Variants in MKLN1 observed in about 807,000 individuals in gnomAD.
MKLN1 encodes the protein muskelin 1.
A neutral mutation model predicts 99.0 loss-of-function variants in MKLN1; 18 were observed. That is an observed-to-expected ratio of 0.18 (90% confidence interval 0.13 to 0.27). MKLN1 has a LOEUF of 0.27. Ranked by LOEUF, MKLN1 falls within the 10% of genes least tolerant of loss-of-function variation. The probability of loss-of-function intolerance (pLI) is 1.00; values close to 1 mark genes in which losing one functional copy is unlikely to be tolerated. For missense variants in MKLN1, 621 were observed against 875.9 expected (o/e 0.71, Z 3.67); for synonymous variants, 288 against 293.2 (o/e 0.98, Z 0.18).
At chr7:131,358,349 A>G (rs1157544443) in intron 1 of MKLN1, among the ~76,000 whole-genome samples, 1 of 152,110 alleles carries the variant, frequency 6.6e-6, no homozygotes, top group East Asian at 1.9e-4. Context: ...ACATTAATTG[A>G]TTTTGGGATA....
chr7:131,363,039 T>G (rs771745956), intron 1 of MKLN1, among the ~76,000 whole-genome samples: 15 of 152,078 alleles, frequency 9.9e-5, no homozygotes, highest in Non-Finnish European at 1.9e-4. Context: ...GGCCACATTT[T>G]TCTCAAGTAT....
chr7:131,440,250 G>C (rs1049284273), intron 10 of MKLN1, among the ~76,000 whole-genome samples: 1 of 152,134 alleles, frequency 6.6e-6, no homozygotes. Flanking sequence ...GGCTCCTTTT[G>C]CAATGGCCAG....
Position 131,262,044 on chromosome 7 carries a change from C to T in MKLN1, c.-179+59070C>T, listed in dbSNP as rs149859983. ...GAAGAACTACCTATTGGGTACTATG[C>T]GTATTATCTGGGTGATGAAATAATT... On this transcript the variant is annotated intron_variant, in intron 3 of 7. Transcript: ENST00000416992. Among the ~76,000 whole-genome samples the T allele has an allele frequency of 6.4e-4, 97 of 152,182 alleles. 1 individual carries two copies. The East Asian group carries it at 9.4e-3, about 15-fold the overall frequency.
In MKLN1 at chr7:131,478,629, C is replaced by G; in HGVS notation, c.2038C>G (p.Leu680Val). 8.1e-7 allele frequency: 1 copy of G among 1,233,580 alleles called. No individual in the cohort carries two copies. The highest frequency in any genetic ancestry group is 1.1e-6 in the Non-Finnish European group (1 of 920,000). The allele number at this position is 1,233,580 out of a possible 1,614,324, so 76.4% of individuals were successfully genotyped here. A position where few individuals can be genotyped will look rare whatever the true frequency, so the allele number is the denominator to read the frequency against. ...TTTTTTTTTTTTTAAACAGTTTCAG[C>G]TCCTGGCATCAGCTCTATTCAAATC... The part of the protein sequence containing the change: ...SDPEETKEFQ[L>V]LASALFKSGS... The change falls in exon 17 of 18, where the codon CTC becomes GTC. Residue 680 changes from leucine (L) to valine (V), a missense_variant. Physicochemically the swap from Leu to Val is conservative, Grantham distance 32 (BLOSUM62 1). Transcript: ENST00000352689.
At chr7:131,192,734 G>T (rs1796586816) in intron 2 of MKLN1, among the ~76,000 whole-genome samples, 1 of 151,606 alleles carries the variant, frequency 6.6e-6, no homozygotes, top group Non-Finnish European at 1.5e-5. Flanking sequence ...TACAGATGGG[G>T]TTTCACCGGG....
Position 131,487,593 on chromosome 7 carries a change from A to C in MKLN1, c.2087-14A>C. 1 of 1,609,554 alleles carries C rather than the reference A, an allele frequency of 6.2e-7. No individual in the cohort carries two copies. The highest frequency in any genetic ancestry group is 8.5e-7 in the Non-Finnish European group (1 of 1,178,310). On this transcript the variant is annotated splice_polypyrimidine_tract_variant and intron_variant, in intron 17 of 17. Transcript: ENST00000352689. This position sits in a 1 kb window ranked among gnomAD's most constrained non-coding sequence, Gnocchi z 4.7. ...TTAAACACAATGGATGTTTCTTTGTATCTTCTTCACCAGGCTTTTCTGATG... is the reference window on the plus strand; with the variant it reads ...TTAAACACAATGGATGTTTCTTTGTCTCTTCTTCACCAGGCTTTTCTGATG...
chr7:131,342,954 A>C (rs1799450161), intron 1 of MKLN1, among the ~76,000 whole-genome samples: 1 of 152,240 alleles, frequency 6.6e-6, no homozygotes, highest in Admixed American at 6.5e-5. Flanking sequence ...CTAATCTATT[A>C]GAAGGTAGAA....
chr7:131,383,245 A>G (rs936856146), intron 2 of MKLN1, among the ~76,000 whole-genome samples: 3 of 152,168 alleles, frequency 2.0e-5, no homozygotes, highest in East Asian at 3.8e-4. Flanking sequence ...AGTCTCTTCT[A>G]CCTCATGAGT....
intron 17 of MKLN1, among the ~76,000 whole-genome samples, chr7:131,486,292 A>G (rs1008989775): frequency 2.0e-5 from 3 of 151,916 alleles, no homozygotes; most frequent in African/African-American, 4.8e-5. Flanking sequence ...GGAAGACTCT[A>G]ATCTCACCGT....
intron 3 of MKLN1, among the ~76,000 whole-genome samples, chr7:131,269,676 G>C (rs1454454888): frequency 3.3e-5 from 5 of 152,112 alleles, no homozygotes; most frequent in African/African-American, 1.2e-4. Flanking sequence ...CTTTCTTCCT[G>C]TTTCTCTCAT....
chr7:131,346,348 C>T (rs538445741), intron 1 of MKLN1, among the ~76,000 whole-genome samples: 4 of 151,980 alleles, frequency 2.6e-5, no homozygotes, highest in Non-Finnish European at 5.9e-5. Flanking sequence ...CATGGTGAAA[C>T]CTGTCTCTGC....
At chr7:131,129,101 T>C (rs1795510777) in intron 1 of MKLN1, among the ~76,000 whole-genome samples, 1 of 152,174 alleles carries the variant, frequency 6.6e-6, no homozygotes, top group South Asian at 2.1e-4. Context: ...ATTCAACTGG[T>C]CAATGAAAAT....
chr7:131,471,155 C>G (rs566736258), intron 16 of MKLN1: 38 of 448,252 alleles, frequency 8.5e-5, no homozygotes, highest in Non-Finnish European at 1.3e-4. Flanking sequence ...AACCCTTGGT[C>G]CATTCAGAAA....
intron 3 of MKLN1, 62 bp from the exon 4 acceptor site, chr7:131,388,822 G>T: frequency 2.9e-6 from 3 of 1,036,712 alleles, no homozygotes; most frequent in South Asian, 2.8e-5. Flanking sequence ...GCATTAATTC[G>T]TGTTCTAGTG....
chr7:131,160,998 G>C (rs956889110), intron 2 of MKLN1, among the ~76,000 whole-genome samples: 5 of 152,112 alleles, frequency 3.3e-5, no homozygotes, highest in Non-Finnish European at 5.9e-5. Flanking sequence ...TCAGTACCCT[G>C]AAGGTCATTG....
At chr7:131,197,581 T>C (rs1448997641) in intron 2 of MKLN1, among the ~76,000 whole-genome samples, 3 of 151,326 alleles carry the variant, frequency 2.0e-5, no homozygotes, top group African/African-American at 4.9e-5. Flanking sequence ...ACTTGAGAGG[T>C]CTCCCTAGTC....
intron 8 of MKLN1, among the ~76,000 whole-genome samples, chr7:131,426,340 A>G (rs1458159648): frequency 1.3e-5 from 2 of 152,160 alleles, no homozygotes; most frequent in African/African-American, 4.8e-5. Flanking sequence ...TGCTATTGCT[A>G]TTTTAGTTAT....
intron 1 of MKLN1, among the ~76,000 whole-genome samples, chr7:131,122,443 C>T (rs1795387260): frequency 6.6e-6 from 1 of 152,176 alleles, no homozygotes. Flanking sequence ...TCACCTGTGT[C>T]TGGTCAATCT....
chr7:131,249,871 G>C (rs977258030), intron 3 of MKLN1, among the ~76,000 whole-genome samples: 7 of 152,114 alleles, frequency 4.6e-5, no homozygotes, highest in African/African-American at 1.7e-4. Flanking sequence ...GTGTCCTCTT[G>C]CCCGTCATGC....
Sources: gnomAD v4.1 joint callset for allele counts (sites outside exome capture counted in the v4.1 genomes callset) on GRCh38, gnomAD v4.1.1 for gene constraint, Gnocchi (gnomAD v3.1) non-coding constraint, MANE v1.5 for transcripts, NCBI Gene and HGNC (gene_info 2026-07-23, HGNC 2026-07-21) for gene names.